Variants in EPN2 observed in about 807,000 individuals in gnomAD.
EPN2 encodes epsin 2.
A neutral mutation model predicts 61.7 loss-of-function variants in EPN2; 34 were observed. The ratio of observed to expected loss-of-function variants is 0.55; its 90% confidence interval spans 0.42 to 0.73. The LOEUF is 0.73. Among genes scored for constraint, EPN2 ranks in the 30% least tolerant of loss-of-function variants. The pLI is 0.00. For synonymous variants in EPN2, 349 were observed against 353.6 expected, an observed-to-expected ratio of 0.99 and a Z score of 0.15; for missense variants, 714 against 839.2, an observed-to-expected ratio of 0.85 and a Z score of 1.84.
At chr17:19,280,098 C>G (rs1008885276) in intron 1 of EPN2, 2 of 152,240 alleles carry the variant, frequency 1.3e-5, no homozygotes, top group Non-Finnish European at 2.9e-5. Context: ...CTGGGCCTCC[C>G]AAAGTGCTAG....
chr17:19,246,000 C>T (rs1201105295), intron 1 of EPN2, among the ~76,000 whole-genome samples: 1 of 152,056 alleles, frequency 6.6e-6, no homozygotes, highest in South Asian at 2.1e-4. Context: ...CCTCCTACCT[C>T]GGGCTCCCCA....
rs779420381 is a variant in EPN2 at position 19,331,835 on chromosome 17, T to C, written c.1412-18T>C. ...TCCCTGCCACACTCACCCTGCCATA[T>C]GTGTCCTTGTCTTGTAGCCGAATCT... On this transcript the variant is annotated intron_variant, in intron 9 of 10. Transcript: ENST00000314728. The C allele has an allele frequency of 1.2e-5, 20 of 1,607,782 alleles. No homozygotes were observed. The highest frequency in any genetic ancestry group is 1.6e-5 in the Non-Finnish European group (19 of 1,174,336).
chr17:19,291,030 G>A (rs1231024252), intron 4 of EPN2, among the ~76,000 whole-genome samples: 1 of 152,166 alleles, frequency 6.6e-6, no homozygotes, highest in Non-Finnish European at 1.5e-5. Context: ...CACCCCACCC[G>A]GCAAGGGTTT....
chr17:19,301,313 C>T (rs1024756748), intron 4 of EPN2, among the ~76,000 whole-genome samples: 2 of 152,160 alleles, frequency 1.3e-5, no homozygotes, highest in African/African-American at 4.8e-5. Context: ...ATTACATCTG[C>T]AGCTACCCTG....
intron 2 of EPN2, 140 bp from the exon 3 acceptor site, chr17:19,282,810 T>G (rs1053268507): frequency 1.2e-5 from 3 of 253,400 alleles, no homozygotes; most frequent in Non-Finnish European, 2.3e-5. Context: ...GTGATATTGA[T>G]TTTATCTTGG....
In EPN2 at chr17:19,290,711, A is replaced by AC. The variant is rs1468974926; in HGVS notation, c.766+4921_766+4922insC. ...AGCATTCCCGTTCTCAAAAAAAAAA[A>AC]AAAAGAAAAAAAAAGAAAAAGGAAG... On this transcript the variant is annotated intron_variant, in intron 4 of 10. Transcript: ENST00000314728. 6.3e-5 allele frequency among the ~76,000 whole-genome samples: 5 copies of AC among 79,726 alleles called. 1 individual carries two copies. Among genetic ancestry groups the AC allele is most frequent in the Non-Finnish European group, 2.5e-5 (1 of 39,394 alleles). The allele number at this position is 79,726 out of a possible 152,430, so 52.3% of individuals were successfully genotyped here. A position where few individuals can be genotyped will look rare whatever the true frequency, so the allele number is the denominator to read the frequency against.
intron 1 of EPN2, among the ~76,000 whole-genome samples, chr17:19,269,808 CT>C (rs1216118739): frequency 1.3e-5 from 2 of 152,096 alleles, no homozygotes; most frequent in African/African-American, 2.4e-5. Context: ...GCTTGTTTGA[CT>C]TGGTGAGAGA....
chr17:19,264,990 C>T (rs530317022), intron 1 of EPN2, among the ~76,000 whole-genome samples: 27 of 152,174 alleles, frequency 1.8e-4, no homozygotes, highest in Admixed American at 1.6e-3. Context: ...CAGAGCATCC[C>T]TGGAGGGAAG....
At chr17:19,244,345 A>G (rs1417560057) in intron 1 of EPN2, among the ~76,000 whole-genome samples, 1 of 152,028 alleles carries the variant, frequency 6.6e-6, no homozygotes, top group Non-Finnish European at 1.5e-5. Flanking sequence ...TGTAGTCCCA[A>G]CTACTCGAGA....
At chr17:19,277,182 C>T (rs1248918342) in intron 1 of EPN2, among the ~76,000 whole-genome samples, 1 of 152,036 alleles carries the variant, frequency 6.6e-6, no homozygotes, top group East Asian at 1.9e-4. Flanking sequence ...GGGTGGATCA[C>T]TTGAGGTCAG....
chr17:19,239,162 A>T (rs1415996403), intron 1 of EPN2, among the ~76,000 whole-genome samples: 1 of 152,082 alleles, frequency 6.6e-6, no homozygotes. Context: ...TTATTTATTT[A>T]TTTTTTTGAG....
chr17:19,264,264 T>A (rs7219384), intron 1 of EPN2, among the ~76,000 whole-genome samples: 6,088 of 152,286 alleles, frequency 0.04, 519 homozygotes, highest in East Asian at 0.27. Context: ...ATTATATGGT[T>A]TGCGAACTCC....
At chr17:19,330,031 C>T (rs1907084035) in intron 9 of EPN2, among the ~76,000 whole-genome samples, 1 of 152,236 alleles carries the variant, frequency 6.6e-6, no homozygotes, top group Non-Finnish European at 1.5e-5. Flanking sequence ...GGGCCAGCCT[C>T]TGCCCTGTGT....
In EPN2 at chr17:19,328,719, C is replaced by T; in HGVS notation, c.1156C>T (p.Pro386Ser). 6.2e-7 allele frequency: 1 copy of T among 1,607,032 alleles called. No homozygotes were observed. The highest frequency in any genetic ancestry group is 8.5e-7 in the Non-Finnish European group (1 of 1,175,628). Reference sequence around the variant, plus strand: ...ACCCTGCCTTCCAACAGGTACCAAGCCAGCTGCCTCCATTGACCCATGGGG... The same window carrying T: ...ACCCTGCCTTCCAACAGGTACCAAGTCAGCTGCCTCCATTGACCCATGGGG... ...SDPWPSFGTK[P>S]AASIDPWGVP... The change falls in exon 8 of 11, where the codon CCA becomes TCA. Residue 386 changes from proline (P) to serine (S), a missense_variant. Transcript: ENST00000314728.
chr17:19,260,811 A>G (rs2045133299), intron 1 of EPN2, among the ~76,000 whole-genome samples: 1 of 152,122 alleles, frequency 6.6e-6, no homozygotes, highest in Non-Finnish European at 1.5e-5. Flanking sequence ...TAATGCAAGT[A>G]CAGCAAACAC....
At chr17:19,255,115 G>A (rs960300937) in intron 1 of EPN2, among the ~76,000 whole-genome samples, 1 of 152,206 alleles carries the variant, frequency 6.6e-6, no homozygotes. Context: ...GAGAGATGCA[G>A]TAAGAAGTAG....
At chr17:19,331,570 T>C (rs1414509639) in intron 9 of EPN2, among the ~76,000 whole-genome samples, 1 of 151,546 alleles carries the variant, frequency 6.6e-6, no homozygotes, top group African/African-American at 2.4e-5. Flanking sequence ...CAAAATGACA[T>C]CTTGGTATTC....
At chr17:19,257,373 T>G (rs2045091405) in intron 1 of EPN2, among the ~76,000 whole-genome samples, 1 of 152,198 alleles carries the variant, frequency 6.6e-6, no homozygotes, top group South Asian at 2.1e-4. Context: ...AATGCCTGTT[T>G]TAATGGTCAT....
chr17:19,241,460 C>A (rs954734272), intron 1 of EPN2, among the ~76,000 whole-genome samples: 1 of 151,880 alleles, frequency 6.6e-6, no homozygotes, highest in Non-Finnish European at 1.5e-5. Context: ...GTGGTGCACA[C>A]CTGTAGTCCC....
Sources: gnomAD v4.1 joint callset for allele counts (sites outside exome capture counted in the v4.1 genomes callset) on GRCh38, gnomAD v4.1.1 for gene constraint, MANE v1.5 for transcripts, NCBI Gene and HGNC (gene_info 2026-07-23, HGNC 2026-07-21) for gene names.